The following ARHGEF3 variants were observed in gnomAD, a reference collection of about 807,000 sequenced individuals.
The protein encoded by ARHGEF3 is Rho guanine nucleotide exchange factor 3, also known as 59.8 kDA protein.
Under a neutral mutation model 63.2 loss-of-function variants are expected in ARHGEF3, and 28 were observed. The ratio of observed to expected loss-of-function variants is 0.44; its 90% confidence interval spans 0.33 to 0.61. The LOEUF (loss-of-function observed/expected upper bound fraction) is 0.61, where lower values mean the gene tolerates loss of function less well. Among genes scored for constraint, ARHGEF3 ranks in the 20% least tolerant of loss-of-function variants. The pLI is 0.03. For synonymous variants in ARHGEF3, 266 were observed against 254.2 expected (o/e 1.05, Z -0.44); for missense variants, 533 against 659.3 (o/e 0.81, Z 2.10).
chr3:57,039,064 G>C (rs141066326), intron 1 of ARHGEF3, among the ~76,000 whole-genome samples: 1 of 152,206 alleles, frequency 6.6e-6, no homozygotes, highest in African/African-American at 2.4e-5. Flanking sequence ...GGAAAGTTTC[G>C]TGTTAATCTA....
At chr3:56,756,594 G>C (rs904132011) in intron 2 of ARHGEF3, among the ~76,000 whole-genome samples, 6 of 141,290 alleles carry the variant, frequency 4.2e-5, no homozygotes, top group African/African-American at 1.6e-4. Flanking sequence ...CTGTCGCCCA[G>C]GCTGGAGTAC....
intron 1 of ARHGEF3, among the ~76,000 whole-genome samples, chr3:56,792,381 C>T (rs1220032148): frequency 6.6e-6 from 1 of 152,156 alleles, no homozygotes; most frequent in Non-Finnish European, 1.5e-5. Flanking sequence ...GTAATGGCTG[C>T]AAATGATGTC....
intron 4 of ARHGEF3, among the ~76,000 whole-genome samples, chr3:56,862,216 GA>G (rs2040101334): frequency 6.6e-6 from 1 of 151,828 alleles, no homozygotes; most frequent in Non-Finnish European, 1.5e-5. Context: ...GTAAGTGTGA[GA>G]GATGCAACAA....
chr3:56,986,677 C>T (rs568327529), intron 2 of ARHGEF3, among the ~76,000 whole-genome samples: 12 of 152,202 alleles, frequency 7.9e-5, no homozygotes, highest in African/African-American at 2.4e-4. Flanking sequence ...AACCCCCCAA[C>T]AGCTTTGGCT....
intron 1 of ARHGEF3, among the ~76,000 whole-genome samples, chr3:57,040,501 A>AGAAAAGAAAAGAAAAGGAAAGGAAAGG (rs1704140059): frequency 3.0e-5 from 4 of 134,804 alleles, no homozygotes; most frequent in African/African-American, 8.2e-5. Context: ...AAAGAAAAGA[A>AGAAAAGAAAAGAAAAGGAAAGGAAAGG]AATACCAAAA....
chr3:56,773,965 T>C (rs2036153262), intron 1 of ARHGEF3, 149 bp from the exon 2 acceptor site: 3 of 639,496 alleles, frequency 4.7e-6, no homozygotes, highest in Admixed American at 4.1e-5. Context: ...TCTGGCTGTA[T>C]GGAGATGACC....
intron 8 of ARHGEF3, among the ~76,000 whole-genome samples, chr3:56,732,632 C>T (rs1167272174): frequency 6.6e-6 from 1 of 152,136 alleles, no homozygotes; most frequent in Non-Finnish European, 1.5e-5. Flanking sequence ...AGAAGCACCT[C>T]CCTAGGGACT....
At chr3:56,894,054 C>A (rs150232391) in intron 3 of ARHGEF3, among the ~76,000 whole-genome samples, 1 of 152,080 alleles carries the variant, frequency 6.6e-6, no homozygotes. Flanking sequence ...CCCTGCACAC[C>A]GTGTGGAAAG....
At chr3:56,733,683 C>T (rs2033380025) in intron 8 of ARHGEF3, among the ~76,000 whole-genome samples, 1 of 151,792 alleles carries the variant, frequency 6.6e-6, no homozygotes, top group Non-Finnish European at 1.5e-5. Context: ...GCTGCCACAG[C>T]CACAAAGAAA....
At chr3:56,883,360 T>C (rs1327945558) in intron 3 of ARHGEF3, among the ~76,000 whole-genome samples, 1 of 151,552 alleles carries the variant, frequency 6.6e-6, no homozygotes, top group Non-Finnish European at 1.5e-5. Flanking sequence ...AGTGCAGTGG[T>C]GTGAACACAG....
chr3:57,068,655 C>G lies in ARHGEF3; in HGVS notation c.-28+10571G>C, dbSNP rs79226747. Among the ~76,000 whole-genome samples the G allele has an allele frequency of 9.0e-3, 1,372 of 152,290 alleles. 32 individuals carry two copies. Among genetic ancestry groups the G allele is most frequent in the African/African-American group, 0.031 (1,305 of 41,572 alleles). On this transcript the variant is annotated intron_variant, in intron 1 of 12. Coordinates refer to the ARHGEF3 transcript ENST00000338458. The stretch of plus-strand genomic sequence containing the variant: ...GGAGAGAAACAGTCCTCCCCACCCC[C>G]TTGGGAGATGTGTCATAGAGATAGG...
At chr3:56,801,105 C>T (rs1265182290) in intron 1 of ARHGEF3, among the ~76,000 whole-genome samples, 1 of 152,226 alleles carries the variant, frequency 6.6e-6, no homozygotes, top group African/African-American at 2.4e-5. Context: ...TTTCAAGATC[C>T]ATGTGGGAGA....
rs540704110 is a variant in ARHGEF3, at chr3:57,038,690, G to A, written c.-27-3514C>T. Among the ~76,000 whole-genome samples, 98 of 152,204 alleles carry A rather than the reference G, an allele frequency of 6.4e-4. 1 individual carries two copies. Among genetic ancestry groups the A allele is most frequent in the African/African-American group, 2.2e-3 (93 of 41,534 alleles). ...TAATTCCTGGCCTCAAGCAATTCTT[G>A]CACCTCAGCCTACCAAAGAGGTGGG... On this transcript the variant is annotated intron_variant, in intron 1 of 12. Coordinates refer to the ARHGEF3 transcript ENST00000338458.
Position 57,072,627 on chromosome 3 carries a change from A to G in ARHGEF3, c.-28+6599T>C, listed in dbSNP as rs1705974924. On this transcript the variant is annotated intron_variant, in intron 1 of 12. Transcript: ENST00000338458. ...CGTGGTGGCACATGCCTGTAGTCCC[A>G]GCTACTAGGGAGGCTGAGGCATGAG... Among the ~76,000 whole-genome samples, 5 of 151,454 alleles carry G rather than the reference A, an allele frequency of 3.3e-5. No homozygotes were observed. The East Asian group carries it at 9.7e-4, about 29-fold the overall frequency.
At chr3:56,899,483 C>T (rs1026953137) in intron 3 of ARHGEF3, among the ~76,000 whole-genome samples, 1 of 152,140 alleles carries the variant, frequency 6.6e-6, no homozygotes, top group South Asian at 2.1e-4. Flanking sequence ...ACAATAGCAC[C>T]TAGTTAGAAT....
intron 4 of ARHGEF3, among the ~76,000 whole-genome samples, chr3:56,829,909 A>G (rs1000408266): frequency 2.0e-5 from 3 of 152,216 alleles, no homozygotes; most frequent in African/African-American, 7.2e-5. Context: ...TCTACCAAGC[A>G]TGGTACCTTA....
chr3:57,050,403 G>A (rs920330666), intron 1 of ARHGEF3, among the ~76,000 whole-genome samples: 2 of 152,234 alleles, frequency 1.3e-5, no homozygotes, highest in African/African-American at 2.4e-5. Flanking sequence ...ACCCTGGAAG[G>A]CCAAGGCCAC....
intron 3 of ARHGEF3, among the ~76,000 whole-genome samples, chr3:56,922,504 T>C (rs570420610): frequency 4.5e-4 from 69 of 152,182 alleles, no homozygotes; most frequent in African/African-American, 1.5e-3. Flanking sequence ...GGGAGGGGTA[T>C]TTCTGACACT....
At chr3:56,739,851 T>C (rs140760866) in intron 7 of ARHGEF3, among the ~76,000 whole-genome samples, 1,664 of 152,202 alleles carry the variant, frequency 0.011, 31 homozygotes, top group African/African-American at 0.038. Context: ...ATGTATCTTA[T>C]GGAGAGATGC....
Sources: allele counts gnomAD v4.1 joint callset (sites outside exome capture counted in the v4.1 genomes callset), GRCh38; gene constraint gnomAD v4.1.1; transcripts MANE v1.5; gene names NCBI Gene and HGNC (gene_info 2026-07-23, HGNC 2026-07-21).